Variants in PTBP2 observed in about 807,000 individuals in gnomAD.
PTBP2 encodes polypyrimidine tract binding protein 2.
A neutral mutation model predicts 61.4 loss-of-function variants in PTBP2; 13 were observed. The ratio of observed to expected loss-of-function variants is 0.21; its 90% CI spans 0.14 to 0.34. The LOEUF (loss-of-function observed/expected upper bound fraction) is 0.34, where lower values mean the gene tolerates loss of function less well. Among genes scored for constraint, PTBP2 ranks in the 10% least tolerant of loss-of-function variants. The probability of loss-of-function intolerance (pLI) is 1.00; values close to 1 mark genes in which losing one functional copy is unlikely to be tolerated. For missense variants in PTBP2, 405 were observed against 642.6 expected (o/e 0.63, Z 4.00); for synonymous variants, 215 against 218.5 (o/e 0.98, Z 0.14).
intron 2 of PTBP2, among the ~76,000 whole-genome samples, chr1:96,729,523 C>T (rs1651078683): frequency 6.6e-6 from 1 of 152,104 alleles, no homozygotes; most frequent in South Asian, 2.1e-4. Flanking sequence ...CCTTAACTGA[C>T]ACAGTTCACT....
At chr1:96,808,794 AAAACACACACACAC>A (rs1037695028) in intron 11 of PTBP2, among the ~76,000 whole-genome samples, 4 of 150,030 alleles carry the variant, frequency 2.7e-5, no homozygotes, top group African/African-American at 4.8e-5. Flanking sequence ...CATTTCCTTT[AAAACACACACACAC>A]AAACACACAC....
At chr1:96,762,949 G>GGGCAGCGGCGC (rs970470005) in intron 3 of PTBP2, among the ~76,000 whole-genome samples, 6 of 151,652 alleles carry the variant, frequency 4.0e-5, no homozygotes, top group Non-Finnish European at 7.4e-5. Flanking sequence ...CGGGGCGGCG[G>GGGCAGCGGCGC]GGCAGCGGCG....
intron 8 of PTBP2, among the ~76,000 whole-genome samples, chr1:96,786,763 A>G (rs1471589314): frequency 6.6e-6 from 1 of 152,170 alleles, no homozygotes; most frequent in Admixed American, 6.5e-5. Flanking sequence ...CAAAGAAACA[A>G]TTTAAAGATA....
chr1:96,744,874 A>G (rs1004011645), intron 2 of PTBP2, among the ~76,000 whole-genome samples: 5 of 152,164 alleles, frequency 3.3e-5, no homozygotes, highest in Non-Finnish European at 5.9e-5. Flanking sequence ...TTTTACTTAA[A>G]TGTCTTATTT....
chr1:96,770,322 T>A (rs925800606), intron 4 of PTBP2, among the ~76,000 whole-genome samples: 3 of 152,076 alleles, frequency 2.0e-5, no homozygotes, highest in African/African-American at 7.2e-5. Context: ...GACATTTAAT[T>A]TGTAATTTTG....
chr1:96,761,479 A>G (rs72976416), intron 3 of PTBP2, among the ~76,000 whole-genome samples: 6,409 of 151,970 alleles, frequency 0.042, 433 homozygotes, highest in African/African-American at 0.14. Flanking sequence ...AGAGGGGAGA[A>G]TAGTTTTAAA....
chr1:96,754,395 A>G (rs559213321), intron 3 of PTBP2, among the ~76,000 whole-genome samples: 17 of 152,332 alleles, frequency 1.1e-4, no homozygotes, highest in African/African-American at 4.1e-4. Flanking sequence ...TTATATGACA[A>G]CAGTTAGTAC....
chr1:96,794,526 A>G (rs1046253758), intron 8 of PTBP2, among the ~76,000 whole-genome samples: 1 of 152,204 alleles, frequency 6.6e-6, no homozygotes, highest in Non-Finnish European at 1.5e-5. Context: ...AATTGCCATG[A>G]ACATTTCATA....
chr1:96,792,457 G>T (rs145463393), intron 8 of PTBP2, among the ~76,000 whole-genome samples: 101 of 152,252 alleles, frequency 6.6e-4, no homozygotes, highest in African/African-American at 2.3e-3. Context: ...TCCAAAGTCC[G>T]TACTCCTGAC....
intron 2 of PTBP2, among the ~76,000 whole-genome samples, chr1:96,733,418 C>A (rs1308674720): frequency 6.6e-6 from 1 of 152,192 alleles, no homozygotes; most frequent in Non-Finnish European, 1.5e-5. Context: ...GTGGCTCACA[C>A]CTGTAATCCC....
intron 3 of PTBP2, among the ~76,000 whole-genome samples, chr1:96,755,960 A>G (rs1557713686): frequency 6.6e-6 from 1 of 152,200 alleles, no homozygotes; most frequent in African/African-American, 2.4e-5. Flanking sequence ...ATTTAAATAC[A>G]TATACACATC....
intron 3 of PTBP2, among the ~76,000 whole-genome samples, chr1:96,751,719 G>C (rs1654573675): frequency 6.7e-6 from 1 of 148,186 alleles, no homozygotes; most frequent in Non-Finnish European, 1.5e-5. Context: ...AAATTTGATT[G>C]CTTTTCATTT....
intron 2 of PTBP2, among the ~76,000 whole-genome samples, chr1:96,744,774 G>A (rs1389965736): frequency 1.3e-5 from 2 of 152,004 alleles, no homozygotes; most frequent in Non-Finnish European, 2.9e-5. Flanking sequence ...TTTTGATTAT[G>A]GTTTGATCAT....
At chr1:96,727,917 T>C (rs1650814295) in intron 2 of PTBP2, among the ~76,000 whole-genome samples, 1 of 152,138 alleles carries the variant, frequency 6.6e-6, no homozygotes, top group South Asian at 2.1e-4. Context: ...GATTGTAGTT[T>C]TGGGGTCTTG....
At chr1:96,768,437 G>A (rs1327474524) in intron 3 of PTBP2, among the ~76,000 whole-genome samples, 6 of 151,886 alleles carry the variant, frequency 4.0e-5, no homozygotes, top group Admixed American at 3.9e-4. Context: ...AATGTTTTAG[G>A]AAATACCATA....
intron 5 of PTBP2, among the ~76,000 whole-genome samples, chr1:96,774,825 C>G (rs1358612740): frequency 6.6e-6 from 1 of 152,220 alleles, no homozygotes; most frequent in African/African-American, 2.4e-5. Flanking sequence ...AAGGCCCTTT[C>G]TGAGCTTACT....
At chr1:96,724,688 G>A (rs1650137694) in intron 2 of PTBP2, among the ~76,000 whole-genome samples, 1 of 120,574 alleles carries the variant, frequency 8.3e-6, no homozygotes, top group African/African-American at 3.1e-5. Context: ...GGGGGAGGGG[G>A]AAGGGATAGC....
At chr1:96,754,906 A>G (rs1004693861) in intron 3 of PTBP2, among the ~76,000 whole-genome samples, 1 of 152,156 alleles carries the variant, frequency 6.6e-6, no homozygotes, top group African/African-American at 2.4e-5. Context: ...AAATCTCTAG[A>G]AAAAAATACA....
At chr1:96,731,589 C>T (rs1013326467) in intron 2 of PTBP2, among the ~76,000 whole-genome samples, 9 of 152,030 alleles carry the variant, frequency 5.9e-5, no homozygotes, top group African/African-American at 2.2e-4. Flanking sequence ...TTTAATAGTT[C>T]CACAAACTAG....
Sources: gnomAD v4.1 joint callset for allele counts (sites outside exome capture counted in the v4.1 genomes callset) on GRCh38, gnomAD v4.1.1 for gene constraint, MANE v1.5 for transcripts, NCBI Gene and HGNC (gene_info 2026-07-23, HGNC 2026-07-21) for gene names.